Variants in JMJD6 observed in about 807,000 individuals in gnomAD.
JMJD6 encodes the protein bifunctional arginine demethylase and lysyl-hydroxylase JMJD6.
Under a neutral mutation model 45.8 loss-of-function variants are expected in JMJD6, and 17 were observed. The ratio of observed to expected loss-of-function variants is 0.37; its 90% confidence interval spans 0.25 to 0.56. The LOEUF is 0.56. JMJD6 is among the 20% of genes least tolerant of loss of function. The pLI, the probability that JMJD6 is intolerant of heterozygous loss-of-function variation, is 0.79. For missense variants in JMJD6, 470 were observed against 517.5 expected (o/e 0.91, Z 0.89); for synonymous variants, 221 against 196.3 (o/e 1.13, Z -1.05).
chr17:76,718,900 T>A (rs1163960125), intron 5 of JMJD6, 40 bp from the exon 6 acceptor site: 2 of 1,596,228 alleles, frequency 1.3e-6, no homozygotes, highest in Admixed American at 1.7e-5. Context: ...TCAACCTGGA[T>A]GCAACCCACT....
downstream of JMJD6, among the ~76,000 whole-genome samples, chr17:76,717,130 G>A (rs570675173): frequency 2.0e-5 from 3 of 152,244 alleles, no homozygotes; most frequent in South Asian, 6.2e-4. Context: ...TGAGCTGCTG[G>A]GAGAGAAAAC....
chr17:76,720,378 C>G lies in JMJD6; in HGVS notation c.1062G>C (p.Ser354=). 6.2e-7 allele frequency: 1 copy of G among 1,614,106 alleles called. No homozygotes were observed. The highest frequency in any genetic ancestry group is 1.3e-5 in the African/African-American group (1 of 75,022). The change falls in exon 5 of 6, where the codon TCG becomes TCC. Residue 354 remains serine (S), a synonymous_variant. Transcript: ENST00000397625. ...SDSSSSSSSS[S]SDSDSECESG... is the part of the protein sequence containing the mutation. ...GCCTCACCTCTGAGTCGGAGTCTGA[C>G]GAACTGGAGCTGGAGGAGCTGGAAG...
chr17:76,721,258 C>A, intron 4 of JMJD6: 1 of 412,670 alleles, frequency 2.4e-6, no homozygotes, highest in South Asian at 1.6e-5. Context: ...GAATCCCTCT[C>A]TTACCCCGAG....
rs939883304 is a variant in JMJD6, at chr17:76,723,674, C to A, written c.805+98G>T. The A allele has an allele frequency of 3.5e-6, 4 of 1,143,162 alleles. No homozygotes were observed. In the African/African-American group the frequency reaches 6.1e-5, roughly 18 times the overall value. 70.8% of individuals were successfully genotyped at this position (1,143,162 alleles called of 1,614,324 possible). A position where few individuals can be genotyped will look rare whatever the true frequency, so the allele number is the denominator to read the frequency against. On this transcript the variant is annotated intron_variant, in intron 3 of 5. Coordinates refer to ENST00000397625, the MANE Select transcript of JMJD6 (RefSeq NM_015167.3). ...GCAAGGATGGTCTCGATCTCCTGAC[C>A]TCGTGATCTGCCCGCCTCAGCCTCC...
At position 76,726,361 on chromosome 17, in the gene JMJD6, G is replaced by C; in HGVS notation, c.115C>G (p.Pro39Ala). ...GACCCGCTCACCGCCACGGCCGCCG[G>C]GCTCAGCGAGAAGCTCTCGTAGTAG... ...HNYYESFSLS[P>A]AAVADNVERA... The change falls in exon 1 of 6, where the codon CCG becomes GCG. Residue 39 changes from proline to alanine, a missense_variant. Physicochemically the swap from Pro to Ala is conservative, Grantham distance 27. Coordinates refer to ENST00000397625, the MANE Select transcript of JMJD6 (RefSeq NM_015167.3). 3.8e-6 allele frequency: 6 copies of C among 1,592,302 alleles called. No homozygotes were observed. The highest frequency in any genetic ancestry group is 5.1e-6 in the Non-Finnish European group (6 of 1,171,666).
downstream of JMJD6, among the ~76,000 whole-genome samples, chr17:76,717,724 C>T (rs181113639): frequency 5.6e-3 from 851 of 151,814 alleles, 10 homozygotes; most frequent in African/African-American, 0.019. Flanking sequence ...GGCATGGTGG[C>T]TCACATCTGT....
chr17:76,724,276 C>G (rs1387658425), intron 2 of JMJD6, among the ~76,000 whole-genome samples: 1 of 151,920 alleles, frequency 6.6e-6, no homozygotes, highest in Non-Finnish European at 1.5e-5. Flanking sequence ...CGCACACCAC[C>G]ACGCCTGGCT....
At chr17:76,723,720 C>A in intron 3 of JMJD6, 52 bp downstream of exon 3, 2 of 1,563,302 alleles carry the variant, frequency 1.3e-6, no homozygotes, top group Non-Finnish European at 1.8e-6. Flanking sequence ...GGATTACAGG[C>A]ATGAACCACC....
chr17:76,724,081 A>G (rs750638282), intron 2 of JMJD6, 23 bp from the exon 3 acceptor site: 2 of 1,609,540 alleles, frequency 1.2e-6, no homozygotes, highest in African/African-American at 1.3e-5. Flanking sequence ...GATATCCAAG[A>G]TGTGAAGTGT....
chr17:76,726,042 T>C (rs2076921606), intron 1 of JMJD6, among the ~76,000 whole-genome samples, 187 bp from the exon 2 acceptor site: 1 of 152,196 alleles, frequency 6.6e-6, no homozygotes, highest in South Asian at 2.1e-4. Flanking sequence ...CCCATGAGCC[T>C]TGACAGCCAG....
In JMJD6 at chr17:76,718,572, G is replaced by C; in HGVS notation, c.*157C>G. The stretch of plus-strand genomic sequence containing the variant: ...ATTGGTAGCAGAGGGAAAGCTACTG[G>C]AGCAAACGCTAAGTGAATGGGTTCC... On this transcript the variant is annotated 3_prime_UTR_variant, in exon 6 of 6. Coordinates refer to ENST00000397625, the MANE Select transcript of JMJD6 (RefSeq NM_015167.3). 1.4e-6 allele frequency: 2 copies of C among 1,414,300 alleles called. No homozygotes were observed. The highest frequency in any genetic ancestry group is 3.1e-5 in the South Asian group (2 of 63,704). 87.6% of individuals were successfully genotyped at this position (1,414,300 alleles called of 1,614,324 possible).
Position 76,726,411 on chromosome 17 carries a change from T to C in JMJD6, c.65A>G (p.Asp22Gly), listed in dbSNP as rs1381935468. Residue 22 changes from aspartate (D) to glycine (G), a missense_variant, in exon 1 of 6, where the codon GAC (aspartate) becomes GGC (glycine). Physicochemically the swap from Asp to Gly is moderately conservative, Grantham distance 94 (BLOSUM62 -1). Transcript: ENST00000397625. ...GTTGTGCCGGGTCCAATCCAGCGAG[T>C]CCTTGAGCTCCGGCCGCGCACTCCG... Reference protein sequence around the residue: ...AKRSARPELKDSLDWTRHNYY... With the variant: ...AKRSARPELKGSLDWTRHNYY... 1 of 1,604,374 alleles carries C rather than the reference T, an allele frequency of 6.2e-7. No individual in the cohort carries two copies. The highest frequency in any genetic ancestry group is 8.5e-7 in the Non-Finnish European group (1 of 1,176,456).
At chr17:76,717,862 A>G (rs1030392368), downstream of JMJD6, among the ~76,000 whole-genome samples, 1 of 151,812 alleles carries the variant, frequency 6.6e-6, no homozygotes, top group Non-Finnish European at 1.5e-5. Flanking sequence ...GTGGTGGCGC[A>G]TGCCTGTAAT....
At chr17:76,723,607 A>G (rs1238872177) in intron 3 of JMJD6, among the ~76,000 whole-genome samples, 165 bp downstream of exon 3, 1 of 151,578 alleles carries the variant, frequency 6.6e-6, no homozygotes, top group East Asian at 1.9e-4. Flanking sequence ...CGCCCGGCTA[A>G]TTTTTTTGTA....
chr17:76,722,761 G>C (rs1234826822), intron 3 of JMJD6, among the ~76,000 whole-genome samples: 3 of 140,228 alleles, frequency 2.1e-5, no homozygotes, highest in Non-Finnish European at 4.5e-5. Context: ...CAAGAGAATC[G>C]CTTGAACCTG....
intron 2 of JMJD6, 84 bp downstream of exon 2, chr17:76,725,383 G>T: frequency 7.7e-7 from 1 of 1,293,292 alleles, no homozygotes; most frequent in Non-Finnish European, 1.0e-6. Context: ...TGCAGCCTGG[G>T]CTACAAGAGT....
At chr17:76,725,138 G>C (rs948217988) in intron 2 of JMJD6, among the ~76,000 whole-genome samples, 1 of 152,186 alleles carries the variant, frequency 6.6e-6, no homozygotes, top group Non-Finnish European at 1.5e-5. Flanking sequence ...GCCGGGCGCG[G>C]TGGCTCACAC....
Position 76,718,874 on chromosome 17 carries a change from G to A in JMJD6, c.1081-14C>T, listed in dbSNP as rs773111767. Reference sequence around the variant, plus strand: ...TCCAGACTCGCACTGGACACAGGAGGACAGAAAACAAGGAGTCAACCTGGA... The same window carrying A: ...TCCAGACTCGCACTGGACACAGGAGAACAGAAAACAAGGAGTCAACCTGGA... On this transcript the variant is annotated splice_polypyrimidine_tract_variant and intron_variant, in intron 5 of 5. Coordinates refer to ENST00000397625, the MANE Select transcript of JMJD6 (RefSeq NM_015167.3). 6.2e-7 allele frequency: 1 copy of A among 1,610,038 alleles called. No individual in the cohort carries two copies. Among genetic ancestry groups the A allele is most frequent in the Admixed American group, 1.7e-5 (1 of 59,118 alleles).
chr17:76,723,310 C>G lies in JMJD6; in HGVS notation c.805+462G>C, dbSNP rs534476320. Among the ~76,000 whole-genome samples, 10 of 152,242 alleles carry G rather than the reference C, an allele frequency of 6.6e-5. No homozygotes were observed. The South Asian group carries it at 1.2e-3, about 19-fold the overall frequency. The stretch of plus-strand genomic sequence containing the variant: ...GAACAAGAGCTCCCAAAGTATGTGA[C>G]ACTATAGCTACATGTTACTGTCAGA... On this transcript the variant is annotated intron_variant, in intron 3 of 5. Transcript: ENST00000397625.
Sources: gnomAD v4.1 joint callset for allele counts (sites outside exome capture counted in the v4.1 genomes callset) on GRCh38, gnomAD v4.1.1 for gene constraint, MANE v1.5 for transcripts, NCBI Gene and HGNC (gene_info 2026-07-23, HGNC 2026-07-21) for gene names.